The following OAS3 variants were observed in gnomAD, a reference collection of about 807,000 sequenced individuals.
OAS3 encodes 2'-5'-oligoadenylate synthetase 3.
OAS3 carries 107 observed loss-of-function variants against 113.0 expected under a neutral mutation model. The observed-to-expected ratio is 0.95, with a 90% CI of 0.81 to 1.11. The LOEUF (loss-of-function observed/expected upper bound fraction) is 1.11, where lower values mean the gene tolerates loss of function less well. Ranked by LOEUF, OAS3 falls within the 50% of genes most tolerant of loss-of-function variation. OAS3 has a pLI of 0.00. For synonymous variants in OAS3, 552 were observed against 573.6 expected (o/e 0.96, Z 0.54); for missense variants, 1,258 against 1,389.1 (o/e 0.91, Z 1.50).
In OAS3 at chr12:112,969,597, G is replaced by T. The variant is rs1329238286; in HGVS notation, c.3105-11G>T. 5.7e-6 allele frequency: 9 copies of T among 1,591,974 alleles called. No individual in the cohort carries two copies. The highest frequency in any genetic ancestry group is 2.7e-5 in the African/African-American group (2 of 74,668). On this transcript the variant is annotated splice_polypyrimidine_tract_variant and intron_variant, in intron 14 of 15. Coordinates refer to ENST00000228928, the MANE Select transcript of OAS3 (RefSeq NM_006187.4). ...GCCAGGAATAAGACTGTCCCTGGGT[G>T]GGAATTGCAGGCCTATCATCCTGGA... is the stretch of plus-strand genomic sequence containing the variant.
At chr12:112,960,711 A>T (rs991850331) in intron 7 of OAS3, among the ~76,000 whole-genome samples, 1 of 152,092 alleles carries the variant, frequency 6.6e-6, no homozygotes, top group African/African-American at 2.4e-5. Context: ...TTGGATTTGA[A>T]CCCAGGCTTA....
chr12:112,955,061 G>T (rs1287205639), intron 7 of OAS3, among the ~76,000 whole-genome samples: 1 of 152,122 alleles, frequency 6.6e-6, no homozygotes, highest in African/African-American at 2.4e-5. Flanking sequence ...GGATTCCTGG[G>T]TATTTCATTC....
intron 14 of OAS3, among the ~76,000 whole-genome samples, chr12:112,969,150 G>A (rs1342384177): frequency 6.6e-6 from 1 of 152,190 alleles, no homozygotes; most frequent in East Asian, 1.9e-4. Flanking sequence ...TATGCTCAAG[G>A]AAAATGCTTA....
At chr12:112,951,592 C>T (rs146795329) in intron 7 of OAS3, among the ~76,000 whole-genome samples, 97 of 152,128 alleles carry the variant, frequency 6.4e-4, no homozygotes, top group African/African-American at 2.2e-3. Flanking sequence ...TGTTTGCTTT[C>T]GGCATTTACT....
chr12:112,960,610 T>A (rs1357249072), intron 7 of OAS3, among the ~76,000 whole-genome samples: 2 of 152,182 alleles, frequency 1.3e-5, no homozygotes, highest in Non-Finnish European at 2.9e-5. Flanking sequence ...TTCAATTGAT[T>A]CTTACAATAG....
At chr12:112,953,460 G>A (rs1441905350) in intron 7 of OAS3, among the ~76,000 whole-genome samples, 1 of 152,214 alleles carries the variant, frequency 6.6e-6, no homozygotes, top group African/African-American at 2.4e-5. Flanking sequence ...GTGTGCATGT[G>A]TCTTTCTAGC....
In OAS3 at chr12:112,963,460, A is replaced by G. The variant is rs1300739869; in HGVS notation, c.2229+3A>G. ...CTGTGCAGCCCTGGGATGTGATGGT[A>G]AGATGGAGGGTCCTGGGGGGCAGGG... On this transcript the variant is annotated splice_donor_region_variant and intron_variant, in intron 10 of 15. Coordinates refer to ENST00000228928, the MANE Select transcript of OAS3 (RefSeq NM_006187.4). The surrounding 1 kb of genome is among the most constrained non-coding windows in gnomAD (Gnocchi z 4.6). 1.3e-6 allele frequency: 2 copies of G among 1,539,104 alleles called. No homozygotes were observed.
At chr12:112,951,839 C>CAAA (rs3038125) in intron 7 of OAS3, among the ~76,000 whole-genome samples, 8 of 105,722 alleles carry the variant, frequency 7.6e-5, no homozygotes, top group East Asian at 2.7e-4. Context: ...ACTAAAAATA[C>CAAA]AAAAAAAAAA....
At chr12:112,955,289 G>T (rs142281909) in intron 7 of OAS3, among the ~76,000 whole-genome samples, 2,054 of 152,186 alleles carry the variant, frequency 0.013, 28 homozygotes, top group Non-Finnish European at 0.02. Flanking sequence ...TGACTTCCTC[G>T]TTTCCTAATT....
In OAS3 at chr12:112,949,119, T is replaced by C; in HGVS notation, c.1288T>C (p.Phe430Leu). 6.2e-7 allele frequency: 1 copy of C among 1,613,952 alleles called. No individual in the cohort carries two copies. Among genetic ancestry groups the C allele is most frequent in the Non-Finnish European group, 8.5e-7 (1 of 1,179,882 alleles). The change falls in exon 6 of 16, where the codon TTC (phenylalanine) becomes CTC (leucine). Residue 430 changes from phenylalanine (F) to leucine (L), a missense_variant. Transcript: ENST00000228928. ...GGACCACCTGAAGCCGAGCCCCCAGTTCCAGGAGCAGGTGAAAAAGGCCAT... is the reference window on the plus strand; with the variant it reads ...GGACCACCTGAAGCCGAGCCCCCAGCTCCAGGAGCAGGTGAAAAAGGCCAT... ...IQDHLKPSPQ[F>L]QEQVKKAIDI...
In OAS3 at chr12:112,966,022, C is replaced by A. The variant is rs201089820; in HGVS notation, c.2682C>A (p.Asp894Glu). Residue 894 changes from aspartate (D) to glutamate (E), a missense_variant, in exon 12 of 16, where the codon GAC becomes GAA. Physicochemically the swap from Asp to Glu is conservative, Grantham distance 45. Coordinates refer to ENST00000228928, the MANE Select transcript of OAS3 (RefSeq NM_006187.4). Reference protein sequence around the residue: ...SVDFDVLPAFDALGQLVSGSR... With the variant: ...SVDFDVLPAFEALGQLVSGSR... ...ACTTTGATGTGCTGCCAGCCTTTGACGCCCTAGGTGAGGTGCCCTGGCGTA... is the reference window on the plus strand; with the variant it reads ...ACTTTGATGTGCTGCCAGCCTTTGAAGCCCTAGGTGAGGTGCCCTGGCGTA... The A allele has an allele frequency of 1.1e-4, 184 of 1,613,840 alleles. No homozygotes were observed. In the African/African-American group the frequency reaches 1.4e-3, roughly 13 times the overall value.
Position 112,941,774 on chromosome 12 carries a change from G to A in OAS3, c.382G>A (p.Ala128Thr). Residue 128 changes from alanine (A) to threonine (T), a missense_variant, in exon 2 of 16, where the codon GCC becomes ACC. Transcript: ENST00000228928. ...GTTTCCTGAGCAGAGCGTGCCTGGG[G>A]CCCTGCAGTTCCGCCTGACATCCGT... The part of the protein sequence containing the change: ...LTFPEQSVPG[A>T]LQFRLTSVDL... 1.2e-6 allele frequency: 2 copies of A among 1,614,028 alleles called. No homozygotes were observed. Among genetic ancestry groups the A allele is most frequent in the Non-Finnish European group, 1.7e-6 (2 of 1,179,896 alleles).
rs1460772011 is a variant in OAS3, at chr12:112,950,723, A to G, written c.1405A>G (p.Arg469Gly). Residue 469 changes from arginine to glycine, a missense_variant, in exon 7 of 16, where the codon AGG (arginine) becomes GGG (glycine). Transcript: ENST00000228928. ...GGSFGRGTDL[R>G]DGCDVELIIF... ...CTCATTTGGCCGGGGCACAGACCTA[A>G]GGGATGGCTGTGATGTTGAACTCAT... 17 of 1,613,928 alleles carry G rather than the reference A, an allele frequency of 1.1e-5. No homozygotes were observed. The highest frequency in any genetic ancestry group is 1.3e-5 in the African/African-American group (1 of 74,932).
chr12:112,965,664 T>C, intron 11 of OAS3, 80 bp from the exon 12 acceptor site: 1 of 1,342,326 alleles, frequency 7.4e-7, no homozygotes, highest in Admixed American at 2.1e-5. Flanking sequence ...GGTCACACAG[T>C]AGGTTTTCTA....
chr12:112,946,359 C>T (rs1009075359), intron 3 of OAS3, among the ~76,000 whole-genome samples: 26 of 152,134 alleles, frequency 1.7e-4, no homozygotes, highest in African/African-American at 6.3e-4. Flanking sequence ...CGCTGCCCCA[C>T]CCCACTCCAG....
At chr12:112,958,934 C>A (rs1383480617) in intron 7 of OAS3, among the ~76,000 whole-genome samples, 2 of 152,244 alleles carry the variant, frequency 1.3e-5, no homozygotes, top group Non-Finnish European at 2.9e-5. Flanking sequence ...CTATGCCCTG[C>A]CTCCAGAGAT....
chr12:112,949,000 G>A lies in OAS3; in HGVS notation c.1169G>A (p.Gly390Asp), dbSNP rs371715979. ...AAACCTCCCTCATGCCCAGCTCCTG[G>A]CCCCACTGGGGCAGCCAGCATCGTC... ...GSKPPSCPAP[G>D]PTGAASIVPS... The change falls in exon 6 of 16, where the codon GGC becomes GAC. Residue 390 changes from glycine (G) to aspartate (D), a missense_variant. By Grantham distance (94) the Gly-to-Asp change is moderately conservative. Transcript: ENST00000228928. 8.1e-6 allele frequency: 13 copies of A among 1,613,890 alleles called. No individual in the cohort carries two copies. The highest frequency in any genetic ancestry group is 1.1e-5 in the Non-Finnish European group (13 of 1,179,904).
intron 7 of OAS3, among the ~76,000 whole-genome samples, chr12:112,955,581 G>GTT (rs2043826307): frequency 6.6e-6 from 1 of 152,196 alleles, no homozygotes; most frequent in South Asian, 2.1e-4. Context: ...AAATAATCAT[G>GTT]TGGTTTTTGT....
rs563536668 is a variant in OAS3, at chr12:112,969,661, G to T, written c.3158G>T (p.Arg1053Leu). ...ACAGGCAACCTGGGCCACAATGCCC[G>T]CTGGGACCTGCTGGCCAAGGAAGCT... ...DPTGNLGHNA[R>L]WDLLAKEAAA... Residue 1053 changes from arginine to leucine, a missense_variant, in exon 15 of 16, where the codon CGC (arginine) becomes CTC (leucine). Transcript: ENST00000228928. 1 of 1,608,994 alleles carries T rather than the reference G, an allele frequency of 6.2e-7. No individual in the cohort carries two copies. Among genetic ancestry groups the T allele is most frequent in the Non-Finnish European group, 8.5e-7 (1 of 1,177,754 alleles).
Sources: allele counts gnomAD v4.1 joint callset (sites outside exome capture counted in the v4.1 genomes callset), GRCh38; gene constraint gnomAD v4.1.1; non-coding constraint Gnocchi (gnomAD v3.1); transcripts MANE v1.5; gene names NCBI Gene and HGNC (gene_info 2026-07-23, HGNC 2026-07-21).